Variants in TENM1 observed in about 807,000 individuals in gnomAD.
TENM1 encodes the protein teneurin transmembrane protein 1, also known as teneurin-1.
In TENM1, 35 loss-of-function variants were observed where a neutral mutation model predicts 174.8. The observed-to-expected ratio is 0.20, with a 90% confidence interval of 0.15 to 0.27. The LOEUF is 0.27. TENM1 is among the 10% of genes least tolerant of loss of function. TENM1 has a pLI of 1.00. For synonymous variants in TENM1, 781 were observed against 798.7 expected (o/e 0.98, Z 0.37); for missense variants, 1,633 against 2,130.1 (o/e 0.77, Z 4.59).
intron 14 of TENM1, among the ~76,000 whole-genome samples, chrX:124,558,879 C>G (rs144997698): frequency 8.2e-4 from 91 of 111,202 alleles, no homozygotes; most frequent in African/African-American, 2.8e-3. Flanking sequence ...ATATTAAGGT[C>G]TTTGATTTTT....
chrX:125,095,548 T>TA, the TENM1 span, among the ~76,000 whole-genome samples: 1 of 111,913 alleles, frequency 8.9e-6, no homozygotes, highest in African/African-American at 3.2e-5. Context: ...TTTAAATACT[T>TA]CATTTGAAAG....
intron 14 of TENM1, among the ~76,000 whole-genome samples, chrX:124,559,983 G>A (rs1433935812): frequency 9.0e-6 from 1 of 110,595 alleles, no homozygotes; most frequent in African/African-American, 3.3e-5. Flanking sequence ...AGAACAATGG[G>A]TGGAGAAGAC....
At position 124,429,896 on chromosome X, in the gene TENM1, C is replaced by A. The variant is rs956980732; in HGVS notation, c.4105-7258G>T. Among the ~76,000 whole-genome samples, 7 of 111,818 alleles carry A rather than the reference C, an allele frequency of 6.3e-5. No homozygotes were observed. The South Asian group carries it at 2.6e-3, about 42-fold the overall frequency. ...ACATTGCAAAATGTCCCTTGAGGGG[C>A]AAAAATGTCTCTTGCTGAGAATCAC... On this transcript the variant is annotated intron_variant, in intron 23 of 31. Coordinates refer to ENST00000422452, the Ensembl canonical transcript of TENM1.
chrX:124,742,932 C>A (rs1003593278), intron 3 of TENM1, among the ~76,000 whole-genome samples: 1 of 111,044 alleles, frequency 9.0e-6, no homozygotes, highest in African/African-American at 3.3e-5. Flanking sequence ...CCCTCCCCTT[C>A]TAGGCAGGAG....
intron 22 of TENM1, among the ~76,000 whole-genome samples, chrX:124,461,203 C>G (rs1032203578): frequency 8.9e-6 from 1 of 111,781 alleles, no homozygotes; most frequent in Non-Finnish European, 1.9e-5. Flanking sequence ...ATCAACTCAC[C>G]TAGGTCAAAA....
the TENM1 span, among the ~76,000 whole-genome samples, chrX:125,123,308 G>A: frequency 1.8e-5 from 2 of 110,392 alleles, no homozygotes; most frequent in African/African-American, 3.3e-5. Flanking sequence ...ACCAAGGTTG[G>A]GTGTGGTGGT....
chrX:124,510,686 T>C (rs1389733770), intron 18 of TENM1, among the ~76,000 whole-genome samples: 3 of 110,727 alleles, frequency 2.7e-5, no homozygotes, highest in Non-Finnish European at 5.7e-5. Context: ...GGGCTTATCA[T>C]CTTACCAATG....
At position 124,503,834 on chromosome X, in the gene TENM1, T is replaced by G. The variant is rs2047384866; in HGVS notation, c.3302-131A>C. 9.9e-6 allele frequency: 6 copies of G among 607,183 alleles called. No homozygotes were observed. In the Admixed American group the frequency reaches 2.0e-4, roughly 20 times the overall value. 50.0% of individuals were successfully genotyped at this position (607,183 alleles called of 1,213,427 possible). A position where few individuals can be genotyped will look rare whatever the true frequency, so the allele number is the denominator to read the frequency against. ...TTAGAGTTGAAATTTGACTGCAAAT[T>G]TCTTTCACCTAGCACAGTACAACAT... On this transcript the variant is annotated intron_variant, in intron 18 of 31. Coordinates refer to ENST00000422452, the Ensembl canonical transcript of TENM1.
At chrX:124,628,579 A>AG (rs1326033127) in intron 11 of TENM1, among the ~76,000 whole-genome samples, 1 of 111,604 alleles carries the variant, frequency 9.0e-6, no homozygotes, top group African/African-American at 3.2e-5. Context: ...GAGGAGCTAA[A>AG]GGAGAAGTGT....
intron 31 of TENM1, 141 bp downstream of exon 34, chrX:124,382,529 C>G: frequency 8.6e-6 from 4 of 465,716 alleles, no homozygotes; most frequent in Non-Finnish European, 1.3e-5. Context: ...TTTTTTATAC[C>G]TTCTCATTAA....
chrX:124,497,050 G>A (rs868670043), exon 20 of TENM1: 1 of 1,209,725 alleles, frequency 8.3e-7, no homozygotes. Context: ...TTTCCCGAGG[G>A]AAATATTCTC....
chrX:124,804,176 C>A (rs1390171117), intron 3 of TENM1, among the ~76,000 whole-genome samples: 1 of 111,782 alleles, frequency 8.9e-6, no homozygotes, highest in African/African-American at 3.3e-5. Context: ...ACCTGCCTGC[C>A]AGGAATAACA....
chrX:124,606,633 A>G (rs2050164682), intron 11 of TENM1, among the ~76,000 whole-genome samples: 1 of 111,399 alleles, frequency 9.0e-6, no homozygotes, highest in Admixed American at 9.6e-5. Context: ...GCTGCTAGAA[A>G]GAGAGTAGGA....
chrX:124,752,931 C>T, intron 3 of TENM1, among the ~76,000 whole-genome samples: 1 of 111,006 alleles, frequency 9.0e-6, no homozygotes, highest in Non-Finnish European at 1.9e-5. Context: ...TAGCATGATG[C>T]CTCCAGCTTT....
the TENM1 span, among the ~76,000 whole-genome samples, chrX:125,052,013 C>T: frequency 3.6e-5 from 4 of 111,167 alleles, no homozygotes; most frequent in Non-Finnish European, 7.5e-5. Context: ...AAACAAACAA[C>T]CCCATCAAAA....
intron 11 of TENM1, among the ~76,000 whole-genome samples, chrX:124,585,957 G>C (rs1198351025): frequency 3.6e-5 from 4 of 110,158 alleles, no homozygotes; most frequent in African/African-American, 6.8e-5. Flanking sequence ...TAAATTCCTC[G>C]ACACATACAC....
At chrX:125,072,462 T>A in the TENM1 span, among the ~76,000 whole-genome samples, 17 of 111,468 alleles carry the variant, frequency 1.5e-4, no homozygotes, top group African/African-American at 4.9e-4. Context: ...ACATGAAGAG[T>A]TACCTTGTGT....
chrX:125,019,346 TAATTAA>T, the TENM1 span, among the ~76,000 whole-genome samples: 5 of 111,507 alleles, frequency 4.5e-5, no homozygotes, highest in Admixed American at 9.6e-5. Flanking sequence ...AATATAAATT[TAATTAA>T]ATATTTAAAA....
intron 23 of TENM1, among the ~76,000 whole-genome samples, chrX:124,451,620 T>A (rs2061037425): frequency 8.9e-6 from 1 of 111,997 alleles, no homozygotes; most frequent in South Asian, 3.7e-4. Context: ...GACTTCAAAC[T>A]ATACTACAAG....
Sources: allele counts gnomAD v4.1 joint callset (sites outside exome capture counted in the v4.1 genomes callset), GRCh38; gene constraint gnomAD v4.1.1; transcripts MANE v1.5; gene names NCBI Gene and HGNC (gene_info 2026-07-23, HGNC 2026-07-21).